Variants in ERG observed in about 807,000 individuals in gnomAD.
The protein encoded by ERG is ETS transcription factor ERG.
In ERG, 9 loss-of-function variants were observed where a neutral mutation model predicts 55.3. That is an observed-to-expected ratio of 0.16 (90% CI 0.10 to 0.28). The LOEUF is 0.28. Ranked by LOEUF, ERG falls within the 10% of genes least tolerant of loss-of-function variation. The pLI is 1.00. For missense variants in ERG, 434 were observed against 631.6 expected (o/e 0.69, Z 3.35); for synonymous variants, 223 against 237.3 (o/e 0.94, Z 0.55).
intron 1 of ERG, among the ~76,000 whole-genome samples, chr21:38,651,755 A>G (rs1323296173): frequency 6.6e-6 from 1 of 152,016 alleles, no homozygotes; most frequent in Admixed American, 6.6e-5. Context: ...TCACTTCCAT[A>G]ACAGGCCCGC....
chr21:38,656,540 G>A (rs1006182314), intron 1 of ERG, among the ~76,000 whole-genome samples: 1 of 152,148 alleles, frequency 6.6e-6, no homozygotes, highest in Non-Finnish European at 1.5e-5. Flanking sequence ...GCAGAAAAAT[G>A]TGCACGCTCC....
chr21:38,655,825 T>C (rs1462795339), intron 1 of ERG, among the ~76,000 whole-genome samples: 1 of 152,174 alleles, frequency 6.6e-6, no homozygotes, highest in Non-Finnish European at 1.5e-5. Context: ...TGGGCCCCAC[T>C]TTTCAACAGA....
intron 1 of ERG, among the ~76,000 whole-genome samples, chr21:38,479,114 A>G (rs1940983310): frequency 1.3e-5 from 2 of 152,258 alleles, no homozygotes; most frequent in South Asian, 2.1e-4. Flanking sequence ...TTTGACTATT[A>G]TGCTGGATTT....
At position 38,400,617 on chromosome 21, in the gene ERG, A is replaced by G. The variant is rs1988443031; in HGVS notation, c.702T>C (p.Thr234=). ...TTTGCGTAGCTTCAGGATATACTGA[A>G]GTATTTGGGAAAATAAAAGCTGCAC... ...TGGAAFIFPN[T]SVYPEATQRI... The change falls in exon 6 of 10, where the codon ACT becomes ACC. Residue 234 remains threonine (T), a synonymous_variant. Transcript: ENST00000288319. 6.2e-7 allele frequency: 1 copy of G among 1,607,450 alleles called. No individual in the cohort carries two copies. The highest frequency in any genetic ancestry group is 1.7e-5 in the Admixed American group (1 of 59,902).
intron 2 of ERG, among the ~76,000 whole-genome samples, chr21:38,536,862 T>C (rs1226681061): frequency 6.6e-6 from 1 of 152,162 alleles, no homozygotes. Context: ...ATGAACTAAA[T>C]AGATAAATTT....
At chr21:38,606,784 A>C (rs766818055) in intron 1 of ERG, among the ~76,000 whole-genome samples, 2 of 152,192 alleles carry the variant, frequency 1.3e-5, no homozygotes, top group Non-Finnish European at 2.9e-5. Flanking sequence ...TGAACTACCT[A>C]GAAAGAAGGA....
At chr21:38,472,077 T>C (rs1222497975) in intron 1 of ERG, 1 of 152,076 alleles carries the variant, frequency 6.6e-6, no homozygotes, top group African/African-American at 2.4e-5. Context: ...GATTTGAGTA[T>C]TACCTGAAAC....
rs752241339 is a variant in ERG, at chr21:38,381,149, A to T, written c.*2254T>A. On this transcript the variant is annotated 3_prime_UTR_variant, in exon 10 of 10. Coordinates refer to ENST00000288319, the MANE Select transcript of ERG (RefSeq NM_182918.4). ...CCTGCCGACTTCAAAGCCCACTGCC[A>T]AAACATCCACAGCACAGAGGTTTGG... 2.0e-5 allele frequency: 21 copies of T among 1,065,468 alleles called. No individual in the cohort carries two copies. The highest frequency in any genetic ancestry group is 2.3e-5 in the Non-Finnish European group (20 of 879,338). The allele number at this position is 1,065,468 out of a possible 1,614,324, so 66.0% of individuals were successfully genotyped here. A position where few individuals can be genotyped will look rare whatever the true frequency, so the allele number is the denominator to read the frequency against.
At chr21:38,439,522 T>C (rs2146541720) in intron 2 of ERG, among the ~76,000 whole-genome samples, 1 of 152,274 alleles carries the variant, frequency 6.6e-6, no homozygotes, top group African/African-American at 2.4e-5. Context: ...TGTGAACACT[T>C]GGGGCTTTCT....
intron 1 of ERG, among the ~76,000 whole-genome samples, chr21:38,613,826 C>T (rs1264953502): frequency 6.6e-6 from 1 of 152,094 alleles, no homozygotes; most frequent in Non-Finnish European, 1.5e-5. Context: ...AGAAGGGGAC[C>T]CCCCCAATAC....
chr21:38,468,949 C>T (rs570557495), intron 1 of ERG, among the ~76,000 whole-genome samples: 1 of 141,510 alleles, frequency 7.1e-6, no homozygotes, highest in Non-Finnish European at 1.5e-5. Flanking sequence ...CGCGCCACTG[C>T]ACTCCAGCCT....
intron 2 of ERG, among the ~76,000 whole-genome samples, chr21:38,520,531 T>C (rs191625964): frequency 2.0e-4 from 30 of 152,250 alleles, no homozygotes; most frequent in East Asian, 9.6e-4. Context: ...CGGGAAGCCA[T>C]TGGGGCCAAA....
intron 2 of ERG, among the ~76,000 whole-genome samples, chr21:38,551,811 T>C (rs983240796): frequency 6.6e-6 from 1 of 152,164 alleles, no homozygotes; most frequent in African/African-American, 2.4e-5. Context: ...AGAATGCATA[T>C]TGTGTCGTTG....
intron 1 of ERG, among the ~76,000 whole-genome samples, chr21:38,623,116 G>A (rs1037169300): frequency 7.6e-6 from 1 of 131,064 alleles, no homozygotes; most frequent in Non-Finnish European, 1.6e-5. Flanking sequence ...ACACTCACAC[G>A]CACATCATGC....
At chr21:38,406,163 A>AAAAAAAAAAAAAAAAAAAAAAAC (rs1214070987) in intron 3 of ERG, among the ~76,000 whole-genome samples, 1 of 150,814 alleles carries the variant, frequency 6.6e-6, no homozygotes, top group Non-Finnish European at 1.5e-5. Context: ...TCAAAAAAAA[A>AAAAAAAAAAAAAAAAAAAAAAAC]AAAAAAAAAA....
At chr21:38,508,328 A>T (rs1167871873) in intron 2 of ERG, among the ~76,000 whole-genome samples, 1 of 152,014 alleles carries the variant, frequency 6.6e-6, no homozygotes, top group Non-Finnish European at 1.5e-5. Context: ...AAGCCTCCCA[A>T]ATCTGTATCT....
At chr21:38,458,073 C>G (rs2146588586) in intron 1 of ERG, among the ~76,000 whole-genome samples, 2 of 152,314 alleles carry the variant, frequency 1.3e-5, no homozygotes, top group South Asian at 4.1e-4. Context: ...AATCTGAAGC[C>G]TTAAGCTCCT....
At chr21:38,566,674 C>G (rs2059925115) in intron 2 of ERG, among the ~76,000 whole-genome samples, 1 of 152,144 alleles carries the variant, frequency 6.6e-6, no homozygotes, top group Non-Finnish European at 1.5e-5. Context: ...TCACAGAAGC[C>G]ACGCAAAAGA....
chr21:38,582,660 C>T (rs1026062514), intron 1 of ERG, among the ~76,000 whole-genome samples: 2 of 152,114 alleles, frequency 1.3e-5, no homozygotes, highest in African/African-American at 2.4e-5. Flanking sequence ...AGGCTAGGCA[C>T]ATAATCAACA....
Sources: allele counts gnomAD v4.1 joint callset (sites outside exome capture counted in the v4.1 genomes callset), GRCh38; gene constraint gnomAD v4.1.1; transcripts MANE v1.5; gene names NCBI Gene and HGNC (gene_info 2026-07-23, HGNC 2026-07-21).